DNM3: variants seen among roughly 807,000 people sequenced by gnomAD.
The protein encoded by DNM3 is dynamin-3.
A neutral mutation model predicts 101.6 loss-of-function variants in DNM3; 47 were observed. That is an observed-to-expected ratio of 0.46 (90% CI 0.37 to 0.59). The LOEUF (loss-of-function observed/expected upper bound fraction) is 0.59, where lower values mean the gene tolerates loss of function less well. Ranked by LOEUF, DNM3 falls within the 20% of genes least tolerant of loss-of-function variation. DNM3 has a pLI of 0.00. For missense variants in DNM3, 849 were observed against 1,085.7 expected (o/e 0.78, Z 3.06); for synonymous variants, 385 against 387.9 (o/e 0.99, Z 0.09).
chr1:172,178,880 T>C (rs994552964), intron 14 of DNM3, among the ~76,000 whole-genome samples: 2 of 151,922 alleles, frequency 1.3e-5, no homozygotes, highest in African/African-American at 4.8e-5. Flanking sequence ...ATAGAATAAG[T>C]CTTATTCCAG....
chr1:172,191,731 C>T (rs1292591769), intron 14 of DNM3, among the ~76,000 whole-genome samples: 1 of 152,128 alleles, frequency 6.6e-6, no homozygotes, highest in African/African-American at 2.4e-5. Context: ...AGGTCCTTCA[C>T]ATCCCTTGTA....
chr1:171,940,604 CT>C (rs1339518303), intron 2 of DNM3, among the ~76,000 whole-genome samples: 1 of 152,124 alleles, frequency 6.6e-6, no homozygotes, highest in Admixed American at 6.6e-5. Context: ...AAAAGTTGGA[CT>C]TAGAAAGAAT....
intron 13 of DNM3, among the ~76,000 whole-genome samples, chr1:172,117,769 A>T (rs1311349974): frequency 6.6e-6 from 1 of 152,184 alleles, no homozygotes; most frequent in Non-Finnish European, 1.5e-5. Context: ...TTTAGGAATG[A>T]GCTCTTTTAT....
chr1:171,897,912 C>G (rs983888199), intron 1 of DNM3, among the ~76,000 whole-genome samples: 2 of 143,162 alleles, frequency 1.4e-5, no homozygotes, highest in Non-Finnish European at 3.2e-5. Flanking sequence ...GTTTCTAGGT[C>G]TGCGGTTCAT....
At chr1:171,907,358 G>T (rs1018746797) in intron 1 of DNM3, among the ~76,000 whole-genome samples, 1 of 152,172 alleles carries the variant, frequency 6.6e-6, no homozygotes, top group African/African-American at 2.4e-5. Context: ...GGGCAAGGTG[G>T]TGCATGCCTG....
chr1:172,303,184 T>A (rs538157109), intron 15 of DNM3, among the ~76,000 whole-genome samples: 1 of 152,156 alleles, frequency 6.6e-6, no homozygotes, highest in South Asian at 2.1e-4. Context: ...GAGAAGACCT[T>A]AAATGACCTG....
intron 14 of DNM3, among the ~76,000 whole-genome samples, chr1:172,247,336 A>G (rs1329223811): frequency 6.6e-6 from 1 of 152,134 alleles, no homozygotes; most frequent in Admixed American, 6.6e-5. Context: ...ATAATAGAGA[A>G]CACACATGGA....
intron 1 of DNM3, among the ~76,000 whole-genome samples, chr1:171,898,245 T>C (rs2037987662): frequency 6.6e-6 from 1 of 152,144 alleles, no homozygotes; most frequent in African/African-American, 2.4e-5. Context: ...ATAAGAAATT[T>C]GTTTAAAATT....
rs1399923944 is a variant in DNM3, at chr1:171,921,790, T to C, written c.204T>C (p.Pro68=). The C allele has an allele frequency of 2.5e-6, 4 of 1,603,040 alleles. No individual in the cohort carries two copies. In the East Asian group the frequency reaches 9.0e-5, roughly 36 times the overall value. ...GGTCGGGCATTGTAACAAGACGACC[T>C]CTTGTGCTGCAGCTTGTTACTTCTA... ...PRGSGIVTRR[P]LVLQLVTSKA... The change falls in exon 2 of 21, where the codon CCT becomes CCC. Residue 68 remains proline, a synonymous_variant. Coordinates refer to ENST00000627582, the MANE Select transcript of DNM3 (RefSeq NM_015569.5).
intron 14 of DNM3, among the ~76,000 whole-genome samples, chr1:172,148,092 G>A (rs10911109): frequency 0.34 from 51,230 of 151,834 alleles, 11,563 homozygotes; most frequent in East Asian, 0.62. Context: ...TGCTCAGAAG[G>A]ATATTGTCAA....
At chr1:172,118,753 G>T (rs1383174344) in intron 13 of DNM3, among the ~76,000 whole-genome samples, 1 of 152,090 alleles carries the variant, frequency 6.6e-6, no homozygotes, top group Non-Finnish European at 1.5e-5. Context: ...GGCATCAGGA[G>T]AGCCAGAGTG....
At chr1:171,951,366 T>C (rs1244667274) in intron 2 of DNM3, among the ~76,000 whole-genome samples, 1 of 152,198 alleles carries the variant, frequency 6.6e-6, no homozygotes, top group African/African-American at 2.4e-5. Flanking sequence ...GACAAAATTA[T>C]TGAAATAGGA....
At chr1:171,860,089 T>A (rs180804766) in intron 1 of DNM3, among the ~76,000 whole-genome samples, 1 of 152,272 alleles carries the variant, frequency 6.6e-6, no homozygotes, top group East Asian at 1.9e-4. Flanking sequence ...TTAATCAGGT[T>A]AGTTATGTAA....
intron 14 of DNM3, among the ~76,000 whole-genome samples, chr1:172,226,271 C>G (rs1312362653): frequency 6.6e-6 from 1 of 152,170 alleles, no homozygotes; most frequent in East Asian, 1.9e-4. Context: ...AACCCCCTAG[C>G]TGTTATGCCA....
chr1:172,111,460 A>G (rs2055472715), intron 13 of DNM3, among the ~76,000 whole-genome samples: 1 of 152,224 alleles, frequency 6.6e-6, no homozygotes, highest in Admixed American at 6.5e-5. Flanking sequence ...AGTACTTTAT[A>G]TACATTCATC....
intron 9 of DNM3, among the ~76,000 whole-genome samples, chr1:172,047,012 T>C (rs1352895671): frequency 1.6e-5 from 2 of 127,296 alleles, no homozygotes; most frequent in Non-Finnish European, 3.3e-5. Context: ...TGTTGGTGGT[T>C]ATTATATGCC....
At chr1:172,178,320 A>G (rs1226867517) in intron 14 of DNM3, among the ~76,000 whole-genome samples, 1 of 151,966 alleles carries the variant, frequency 6.6e-6, no homozygotes, top group East Asian at 1.9e-4. Context: ...TAAAAAATAA[A>G]CTTAAATCTT....
intron 15 of DNM3, among the ~76,000 whole-genome samples, chr1:172,304,029 A>G (rs1030653353): frequency 1.3e-5 from 2 of 151,822 alleles, no homozygotes; most frequent in Non-Finnish European, 2.9e-5. Context: ...AGACATAACA[A>G]TATTAACCTT....
intron 11 of DNM3, among the ~76,000 whole-genome samples, chr1:172,074,642 G>T (rs2052489051): frequency 6.6e-6 from 1 of 152,172 alleles, no homozygotes; most frequent in South Asian, 2.1e-4. Context: ...CAAAGGACAT[G>T]AACTCATCCT....
Sources: gnomAD v4.1 joint callset for allele counts (sites outside exome capture counted in the v4.1 genomes callset) on GRCh38, gnomAD v4.1.1 for gene constraint, MANE v1.5 for transcripts, NCBI Gene and HGNC (gene_info 2026-07-23, HGNC 2026-07-21) for gene names.